The following GALNTL6 variants were observed in gnomAD, a reference collection of about 807,000 sequenced individuals.
The protein encoded by GALNTL6 is polypeptide N-acetylgalactosaminyltransferase-like 6.
Under a neutral mutation model 73.7 loss-of-function variants are expected in GALNTL6, and 46 were observed. The observed-to-expected ratio is 0.62, with a 90% CI of 0.49 to 0.80. The LOEUF is 0.80. Ranked by LOEUF, GALNTL6 falls within the 30% of genes least tolerant of loss-of-function variation. The pLI is 0.00. For missense variants in GALNTL6, 604 were observed against 755.0 expected (o/e 0.80, Z 2.34); for synonymous variants, 259 against 263.7 (o/e 0.98, Z 0.17).
At chr4:172,422,903 A>T (rs1731101050) in intron 5 of GALNTL6, among the ~76,000 whole-genome samples, 1 of 151,128 alleles carries the variant, frequency 6.6e-6, no homozygotes, top group East Asian at 2.0e-4. Flanking sequence ...TAAGTGTAGG[A>T]TGTACAATAG....
chr4:172,319,023 C>T (rs941644981), intron 4 of GALNTL6, among the ~76,000 whole-genome samples: 2 of 152,114 alleles, frequency 1.3e-5, no homozygotes, highest in African/African-American at 4.8e-5. Flanking sequence ...TAAGGTTTAT[C>T]TAGCAACTGT....
chr4:172,025,386 T>C (rs1560890093), intron 2 of GALNTL6, among the ~76,000 whole-genome samples: 1 of 152,020 alleles, frequency 6.6e-6, no homozygotes, highest in Non-Finnish European at 1.5e-5. Context: ...AACAGTGACC[T>C]TGAAAACTTC....
chr4:172,341,743 C>T (rs1421809453), intron 4 of GALNTL6, among the ~76,000 whole-genome samples: 1 of 152,194 alleles, frequency 6.6e-6, no homozygotes, highest in Admixed American at 6.5e-5. Flanking sequence ...CCTTCCCTCC[C>T]TCCATGATTG....
chr4:172,133,287 G>A (rs1335233958), intron 2 of GALNTL6, among the ~76,000 whole-genome samples: 1 of 152,138 alleles, frequency 6.6e-6, no homozygotes, highest in East Asian at 1.9e-4. Context: ...TATGAATAGA[G>A]AATCCATAGA....
intron 4 of GALNTL6, among the ~76,000 whole-genome samples, chr4:172,333,823 T>G (rs1290089632): frequency 6.6e-6 from 1 of 152,182 alleles, no homozygotes; most frequent in Non-Finnish European, 1.5e-5. Context: ...GTTTGGGAGC[T>G]TATGTTTAAG....
At chr4:172,705,921 A>G (rs941684766) in intron 5 of GALNTL6, among the ~76,000 whole-genome samples, 25 of 151,404 alleles carry the variant, frequency 1.7e-4, no homozygotes, top group African/African-American at 5.8e-4. Context: ...GAACTTTGAG[A>G]GTTTGGTTAT....
At chr4:171,997,530 G>A (rs769442432) in intron 2 of GALNTL6, among the ~76,000 whole-genome samples, 12 of 151,976 alleles carry the variant, frequency 7.9e-5, no homozygotes, top group Non-Finnish European at 1.8e-4. Context: ...ATCATCTAAT[G>A]CAAAGCCTAT....
intron 2 of GALNTL6, among the ~76,000 whole-genome samples, chr4:171,869,525 T>G (rs1736075993): frequency 6.6e-6 from 1 of 152,172 alleles, no homozygotes; most frequent in Admixed American, 6.5e-5. Context: ...TACCCATATA[T>G]TATACCTTTC....
chr4:172,226,593 G>GTT, intron 2 of GALNTL6, among the ~76,000 whole-genome samples: 1 of 46,100 alleles, frequency 2.2e-5, no homozygotes, highest in African/African-American at 8.6e-5. Context: ...GTGTGTCTGT[G>GTT]TGTGTGTGTT....
intron 8 of GALNTL6, among the ~76,000 whole-genome samples, chr4:172,915,525 A>G (rs750012165): frequency 1.3e-5 from 2 of 152,252 alleles, no homozygotes; most frequent in South Asian, 2.1e-4. Context: ...AAGAAAAGAG[A>G]GAAGAATCAA....
chr4:172,968,383 G>GC (rs1750427972), intron 10 of GALNTL6, among the ~76,000 whole-genome samples: 1 of 152,158 alleles, frequency 6.6e-6, no homozygotes, highest in South Asian at 2.1e-4. Flanking sequence ...CCAAGCTGAG[G>GC]CCAATGCAAA....
At chr4:172,783,511 T>C (rs1739489335) in intron 5 of GALNTL6, among the ~76,000 whole-genome samples, 1 of 148,286 alleles carries the variant, frequency 6.7e-6, no homozygotes. Flanking sequence ...TAATATACAC[T>C]ATTTAATATA....
At chr4:172,052,507 C>T (rs765998907) in intron 2 of GALNTL6, 16 of 1,534,694 alleles carry the variant, frequency 1.0e-5, no homozygotes, top group Admixed American at 3.9e-5. Context: ...GTGCAGACCA[C>T]GGAGTGCATG....
At chr4:172,785,004 A>G (rs982427608) in intron 5 of GALNTL6, among the ~76,000 whole-genome samples, 2 of 152,162 alleles carry the variant, frequency 1.3e-5, no homozygotes, top group Non-Finnish European at 2.9e-5. Context: ...ACATCTCCAC[A>G]AGGACAGATG....
chr4:172,417,379 T>C (rs1397128290), intron 5 of GALNTL6, among the ~76,000 whole-genome samples: 1 of 152,190 alleles, frequency 6.6e-6, no homozygotes, highest in East Asian at 1.9e-4. Flanking sequence ...AAATATCTTT[T>C]TTCAAATAAA....
intron 5 of GALNTL6, among the ~76,000 whole-genome samples, chr4:172,469,472 T>C (rs968334512): frequency 6.6e-6 from 1 of 151,368 alleles, no homozygotes; most frequent in African/African-American, 2.4e-5. Context: ...TAGCCAGTCA[T>C]GATGGTGCAC....
chr4:172,493,039 G>A (rs1383732525), intron 5 of GALNTL6, among the ~76,000 whole-genome samples: 1 of 152,072 alleles, frequency 6.6e-6, no homozygotes, highest in Non-Finnish European at 1.5e-5. Flanking sequence ...TCTTAGACTT[G>A]CTAGTAAGAA....
chr4:172,664,316 T>C (rs1731543754), intron 5 of GALNTL6, among the ~76,000 whole-genome samples: 1 of 152,224 alleles, frequency 6.6e-6, no homozygotes. Flanking sequence ...TTCATAATTC[T>C]TTATTTTAAA....
At chr4:172,890,407 C>T (rs779056854) in intron 8 of GALNTL6, among the ~76,000 whole-genome samples, 2 of 151,986 alleles carry the variant, frequency 1.3e-5, no homozygotes, top group South Asian at 2.1e-4. Flanking sequence ...GCTTGTGCTG[C>T]GTCCCAGAGA....
Sources: gnomAD v4.1 joint callset for allele counts (sites outside exome capture counted in the v4.1 genomes callset) on GRCh38, gnomAD v4.1.1 for gene constraint, MANE v1.5 for transcripts, NCBI Gene and HGNC (gene_info 2026-07-23, HGNC 2026-07-21) for gene names.